The following TAFA1 variants were observed in gnomAD, a reference collection of about 807,000 sequenced individuals.
The protein encoded by TAFA1 is TAFA chemokine like family member 1, also known as chemokine-like protein TAFA-1.
TAFA1 carries 4 observed loss-of-function variants against 18.5 expected under a neutral mutation model. The ratio of observed to expected loss-of-function variants is 0.22; its 90% CI spans 0.11 to 0.49. The LOEUF (loss-of-function observed/expected upper bound fraction) is 0.49, where lower values mean the gene tolerates loss of function less well. Ranked by LOEUF, TAFA1 falls within the 20% of genes least tolerant of loss-of-function variation. The pLI is 0.98. For missense variants in TAFA1, 147 were observed against 169.0 expected (o/e 0.87, Z 0.72); for synonymous variants, 56 against 55.2 (o/e 1.01, Z -0.06).
intron 2 of TAFA1, among the ~76,000 whole-genome samples, chr3:68,095,417 A>C (rs1202494794): frequency 6.6e-6 from 1 of 152,148 alleles, no homozygotes; most frequent in Non-Finnish European, 1.5e-5. Context: ...AGACATAAAA[A>C]GCTTTCTATG....
At chr3:68,348,970 T>G (rs2069215430) in intron 2 of TAFA1, among the ~76,000 whole-genome samples, 1 of 151,894 alleles carries the variant, frequency 6.6e-6, no homozygotes, top group African/African-American at 2.4e-5. Context: ...AGAAGCTTTT[T>G]GCTTCTAAAA....
At chr3:68,221,883 A>T (rs1178851991) in intron 2 of TAFA1, among the ~76,000 whole-genome samples, 1 of 152,166 alleles carries the variant, frequency 6.6e-6, no homozygotes, top group Non-Finnish European at 1.5e-5. Context: ...CAAAAATTGG[A>T]TACTTATTTG....
chr3:68,346,968 G>C (rs368978714), intron 2 of TAFA1, among the ~76,000 whole-genome samples: 1 of 151,588 alleles, frequency 6.6e-6, no homozygotes, highest in Non-Finnish European at 1.5e-5. Flanking sequence ...TTTCTATGAG[G>C]GAACTAGTTC....
chr3:68,093,951 G>T (rs2065057218), intron 2 of TAFA1, among the ~76,000 whole-genome samples: 1 of 151,894 alleles, frequency 6.6e-6, no homozygotes, highest in South Asian at 2.1e-4. Flanking sequence ...GGAAGTTTTT[G>T]CAATTTACAT....
intron 3 of TAFA1, among the ~76,000 whole-genome samples, chr3:68,532,613 G>T (rs2073207899): frequency 6.6e-6 from 1 of 151,938 alleles, no homozygotes; most frequent in Non-Finnish European, 1.5e-5. Context: ...AGTTGGGGAG[G>T]GTGCATATTT....
intron 2 of TAFA1, among the ~76,000 whole-genome samples, chr3:68,388,246 G>C (rs2070147567): frequency 6.6e-6 from 1 of 152,078 alleles, no homozygotes; most frequent in Non-Finnish European, 1.5e-5. Context: ...ATCACTAGAT[G>C]TGAACTATAT....
intron 3 of TAFA1, among the ~76,000 whole-genome samples, chr3:68,450,580 C>T (rs2071553691): frequency 6.6e-6 from 1 of 152,164 alleles, no homozygotes; most frequent in African/African-American, 2.4e-5. Context: ...CCTCCAAACA[C>T]CACTGCACAA....
chr3:68,073,612 T>C (rs2064783861), intron 2 of TAFA1, among the ~76,000 whole-genome samples: 1 of 152,228 alleles, frequency 6.6e-6, no homozygotes, highest in South Asian at 2.1e-4. Flanking sequence ...GAAAATTCTG[T>C]TGGGATTAAA....
chr3:68,062,864 G>A (rs1352854963), intron 2 of TAFA1, among the ~76,000 whole-genome samples: 1 of 152,140 alleles, frequency 6.6e-6, no homozygotes, highest in African/African-American at 2.4e-5. Flanking sequence ...CCTTTTCTGG[G>A]GAAATAGTGA....
At chr3:68,201,694 T>C (rs2066471441) in intron 2 of TAFA1, among the ~76,000 whole-genome samples, 3 of 151,714 alleles carry the variant, frequency 2.0e-5, no homozygotes, top group Admixed American at 1.3e-4. Flanking sequence ...ATATAGCCAC[T>C]GTCTTAGTTT....
At chr3:68,035,983 T>C (rs1414993331) in intron 2 of TAFA1, among the ~76,000 whole-genome samples, 1 of 152,130 alleles carries the variant, frequency 6.6e-6, no homozygotes, top group Non-Finnish European at 1.5e-5. Flanking sequence ...GAAAACTGAT[T>C]AGTGGTGTCC....
At chr3:68,332,075 G>A (rs1367263421) in intron 2 of TAFA1, among the ~76,000 whole-genome samples, 8 of 151,592 alleles carry the variant, frequency 5.3e-5, no homozygotes, top group East Asian at 1.9e-4. Context: ...GTGTTAACCC[G>A]GATGGTCTCG....
In TAFA1 at chr3:68,158,898, C is replaced by T. The variant is rs117531952; in HGVS notation, c.118+152154C>T. Among the ~76,000 whole-genome samples, 24 of 152,218 alleles carry T rather than the reference C, an allele frequency of 1.6e-4. 1 individual carries two copies. In the East Asian group the frequency reaches 4.6e-3, roughly 29 times the overall value. Reference sequence around the variant, plus strand: ...GTAGTTTGAATGGGGAATATCTGCACCTCATATCAAAGTTAGACAAAGAAG... The same window carrying T: ...GTAGTTTGAATGGGGAATATCTGCATCTCATATCAAAGTTAGACAAAGAAG... On this transcript the variant is annotated intron_variant, in intron 2 of 4. Transcript: ENST00000478136.
At chr3:68,102,452 A>G (rs1295777785) in intron 2 of TAFA1, among the ~76,000 whole-genome samples, 2 of 152,156 alleles carry the variant, frequency 1.3e-5, no homozygotes, top group African/African-American at 2.4e-5. Context: ...CCCTACCATA[A>G]TTAATAGGGG....
At chr3:68,215,403 A>C (rs1399081301) in intron 2 of TAFA1, among the ~76,000 whole-genome samples, 1 of 152,090 alleles carries the variant, frequency 6.6e-6, no homozygotes, top group Non-Finnish European at 1.5e-5. Flanking sequence ...AATTTCTGAA[A>C]AATGGAAGGT....
intron 2 of TAFA1, among the ~76,000 whole-genome samples, chr3:68,020,590 T>C (rs897673897): frequency 1.3e-5 from 2 of 152,198 alleles, no homozygotes; most frequent in Non-Finnish European, 2.9e-5. Context: ...ATGGAACAGA[T>C]AAACTGCCTA....
At chr3:68,008,705 A>AT (rs1235793182) in intron 2 of TAFA1, among the ~76,000 whole-genome samples, 1 of 152,136 alleles carries the variant, frequency 6.6e-6, no homozygotes, top group Non-Finnish European at 1.5e-5. Context: ...CCTTCATATA[A>AT]TTTTTGAAAA....
At chr3:68,390,192 G>A (rs2106707461) in intron 2 of TAFA1, among the ~76,000 whole-genome samples, 1 of 152,254 alleles carries the variant, frequency 6.6e-6, no homozygotes, top group African/African-American at 2.4e-5. Flanking sequence ...CCATTACTGA[G>A]GCTTGAGTAC....
chr3:68,098,662 G>A (rs947690287), intron 2 of TAFA1, among the ~76,000 whole-genome samples: 2 of 152,008 alleles, frequency 1.3e-5, no homozygotes, highest in African/African-American at 4.8e-5. Context: ...CTATGGTAGA[G>A]GGAGATACGA....
Sources: allele counts gnomAD v4.1 joint callset (sites outside exome capture counted in the v4.1 genomes callset), GRCh38; gene constraint gnomAD v4.1.1; transcripts MANE v1.5; gene names NCBI Gene and HGNC (gene_info 2026-07-23, HGNC 2026-07-21).